SEMA3E: variants seen among roughly 807,000 people sequenced by gnomAD.
SEMA3E encodes the protein semaphorin-3E.
SEMA3E carries 49 observed loss-of-function variants against 93.6 expected under a neutral mutation model. The ratio of observed to expected loss-of-function variants is 0.52; its 90% CI spans 0.42 to 0.66. SEMA3E has a LOEUF of 0.66. Among genes scored for constraint, SEMA3E ranks in the 30% least tolerant of loss-of-function variants. The probability of loss-of-function intolerance (pLI) is 0.00; values close to 1 mark genes in which losing one functional copy is unlikely to be tolerated. For missense variants in SEMA3E, 906 were observed against 964.8 expected (o/e 0.94, Z 0.81); for synonymous variants, 363 against 330.7 (o/e 1.10, Z -1.06).
chr7:83,591,583 A>T (rs915083103), intron 1 of SEMA3E, among the ~76,000 whole-genome samples: 5 of 151,992 alleles, frequency 3.3e-5, no homozygotes, highest in African/African-American at 1.2e-4. Context: ...TTAAGAAAAT[A>T]GTTTTTGTAA....
chr7:83,509,287 C>T (rs372037863), intron 1 of SEMA3E, among the ~76,000 whole-genome samples: 125 of 152,180 alleles, frequency 8.2e-4, no homozygotes, highest in Middle Eastern at 6.8e-3. Flanking sequence ...GTGAGGGCTA[C>T]GTGTTTAGGG....
intron 4 of SEMA3E, among the ~76,000 whole-genome samples, chr7:83,434,107 G>T (rs930971286): frequency 1.3e-5 from 2 of 151,906 alleles, no homozygotes; most frequent in African/African-American, 4.8e-5. Context: ...AGTTATGTTT[G>T]CACCAACCTA....
intron 1 of SEMA3E, among the ~76,000 whole-genome samples, chr7:83,631,493 G>T (rs1215037379): frequency 2.6e-5 from 4 of 152,182 alleles, no homozygotes; most frequent in Non-Finnish European, 5.9e-5. Context: ...TTTCGACAAT[G>T]AATGCAACTT....
At chr7:83,647,800 G>A (rs560220098) in intron 1 of SEMA3E, among the ~76,000 whole-genome samples, 6 of 152,236 alleles carry the variant, frequency 3.9e-5, no homozygotes, top group Non-Finnish European at 5.9e-5. Flanking sequence ...TACAAGCATT[G>A]TCATAAACTA....
chr7:83,534,997 T>A (rs1377798445), intron 1 of SEMA3E, among the ~76,000 whole-genome samples: 1 of 152,190 alleles, frequency 6.6e-6, no homozygotes, highest in Non-Finnish European at 1.5e-5. Context: ...GGTCTCCCAC[T>A]GTGTTCTGAA....
At chr7:83,606,617 TC>T (rs1793124681) in intron 1 of SEMA3E, among the ~76,000 whole-genome samples, 1 of 114,178 alleles carries the variant, frequency 8.8e-6, no homozygotes, top group Non-Finnish European at 1.7e-5. Context: ...TGTGGTGGGG[TC>T]GGGGGAGGGG....
chr7:83,558,396 G>T (rs1478134269), intron 1 of SEMA3E, among the ~76,000 whole-genome samples: 1 of 152,056 alleles, frequency 6.6e-6, no homozygotes, highest in East Asian at 1.9e-4. Context: ...TAATTTTGTG[G>T]TCTACTGTGC....
At chr7:83,507,332 C>G (rs906098206) in intron 1 of SEMA3E, among the ~76,000 whole-genome samples, 1 of 152,190 alleles carries the variant, frequency 6.6e-6, no homozygotes, top group East Asian at 1.9e-4. Context: ...ATTAACCTCC[C>G]TGACTGGCAG....
intron 1 of SEMA3E, among the ~76,000 whole-genome samples, chr7:83,595,529 T>C: frequency 6.6e-6 from 1 of 152,108 alleles, no homozygotes; most frequent in East Asian, 1.9e-4. Flanking sequence ...CTAATGTCCT[T>C]TTATTTTCTC....
At chr7:83,600,026 T>C (rs1792953479) in intron 1 of SEMA3E, among the ~76,000 whole-genome samples, 1 of 152,182 alleles carries the variant, frequency 6.6e-6, no homozygotes, top group African/African-American at 2.4e-5. Flanking sequence ...TCATACTACA[T>C]AAATGCATCA....
intron 16 of SEMA3E, among the ~76,000 whole-genome samples, chr7:83,377,166 A>T (rs1787662845): frequency 6.6e-6 from 1 of 152,042 alleles, no homozygotes; most frequent in South Asian, 2.1e-4. Context: ...TATTCCAAGA[A>T]ATTATTCACA....
intron 16 of SEMA3E, among the ~76,000 whole-genome samples, chr7:83,384,488 A>C (rs950168116): frequency 5.6e-4 from 11 of 19,608 alleles, no homozygotes; most frequent in African/African-American, 1.1e-3. Context: ...CTCCTTCTAA[A>C]ATATCCATTT....
At chr7:83,623,611 G>GA (rs528262274) in intron 1 of SEMA3E, among the ~76,000 whole-genome samples, 80 of 142,730 alleles carry the variant, frequency 5.6e-4, no homozygotes, top group South Asian at 4.2e-3. Flanking sequence ...ATCTCTACCT[G>GA]AAAAAAAAAA....
At chr7:83,503,010 C>CTTTTTTTT (rs71522664) in intron 1 of SEMA3E, among the ~76,000 whole-genome samples, 4 of 138,870 alleles carry the variant, frequency 2.9e-5, no homozygotes, top group Non-Finnish European at 1.5e-5. Context: ...TTCTTTCTCT[C>CTTTTTTTT]TCTTTTTTTT....
intron 5 of SEMA3E, among the ~76,000 whole-genome samples, chr7:83,414,462 G>A (rs1378483630): frequency 6.6e-6 from 1 of 151,780 alleles, no homozygotes; most frequent in Non-Finnish European, 1.5e-5. Flanking sequence ...TTCATAATAA[G>A]GATATATATT....
At chr7:83,578,485 G>A (rs778601107) in intron 1 of SEMA3E, among the ~76,000 whole-genome samples, 8 of 152,110 alleles carry the variant, frequency 5.3e-5, no homozygotes, top group Non-Finnish European at 1.2e-4. Context: ...GAACTCAGGA[G>A]GCGGAGGTTG....
At chr7:83,567,837 C>A (rs1399608253) in intron 1 of SEMA3E, among the ~76,000 whole-genome samples, 2 of 151,710 alleles carry the variant, frequency 1.3e-5, no homozygotes, top group East Asian at 1.9e-4. Flanking sequence ...TAACAATGCA[C>A]CTCAAAGAAC....
chr7:83,610,980 T>C (rs1793240339), intron 1 of SEMA3E, among the ~76,000 whole-genome samples: 2 of 151,948 alleles, frequency 1.3e-5, no homozygotes, highest in Non-Finnish European at 1.5e-5. Flanking sequence ...TTGCTTTATA[T>C]TTAAGAGAAA....
chr7:83,442,652 T>C (rs914283190), intron 4 of SEMA3E, among the ~76,000 whole-genome samples: 1 of 152,174 alleles, frequency 6.6e-6, no homozygotes, highest in African/African-American at 2.4e-5. Flanking sequence ...GGTTTTTGTT[T>C]GTGGGTTTTG....
Sources: gnomAD v4.1 joint callset for allele counts (sites outside exome capture counted in the v4.1 genomes callset) on GRCh38, gnomAD v4.1.1 for gene constraint, MANE v1.5 for transcripts, NCBI Gene and HGNC (gene_info 2026-07-23, HGNC 2026-07-21) for gene names.